PCDH15: variants seen among roughly 807,000 people sequenced by gnomAD.
The protein encoded by PCDH15 is protocadherin-15.
Under a neutral mutation model 178.5 loss-of-function variants are expected in PCDH15, and 129 were observed. The ratio of observed to expected loss-of-function variants is 0.72; its 90% CI spans 0.63 to 0.84. PCDH15 has a LOEUF of 0.84. Among genes scored for constraint, PCDH15 ranks in the 40% least tolerant of loss-of-function variants. The pLI, the probability that PCDH15 is intolerant of heterozygous loss-of-function variation, is 0.00. For synonymous variants in PCDH15, 800 were observed against 732.0 expected, an observed-to-expected ratio of 1.09 and a Z score of -1.50; for missense variants, 2,230 against 2,099.9, an observed-to-expected ratio of 1.06 and a Z score of -1.21.
At position 53,810,901 on chromosome 10, in the gene PCDH15, C is replaced by T. The variant is rs142919255; in HGVS notation, c.4563-237G>A. On this transcript the variant is annotated intron_variant, in intron 36 of 37. Transcript: ENST00000644397. ...AACAATAAAGAGAGTTGAGTTATTT[C>T]AGATACTCGTTTTTGGAGAAACTAG... Among the ~76,000 whole-genome samples, 119 of 152,236 alleles carry T rather than the reference C, an allele frequency of 7.8e-4. 1 individual carries two copies. The highest frequency in any genetic ancestry group is 2.8e-3 in the African/African-American group (116 of 41,548).
At chr10:54,170,746 C>A (rs1037233328) in intron 13 of PCDH15, among the ~76,000 whole-genome samples, 1 of 151,998 alleles carries the variant, frequency 6.6e-6, no homozygotes, top group South Asian at 2.1e-4. Flanking sequence ...TTATTGATGG[C>A]GGTTCCACCA....
intron 2 of PCDH15, among the ~76,000 whole-genome samples, chr10:54,630,548 T>A (rs761950176): frequency 2.4e-4 from 37 of 152,244 alleles, no homozygotes; most frequent in Non-Finnish European, 3.8e-4. Context: ...ATAAAAGTGC[T>A]AGAAGAAAAC....
chr10:55,220,430 G>T (rs976799463), intron 1 of PCDH15, among the ~76,000 whole-genome samples: 3 of 152,024 alleles, frequency 2.0e-5, no homozygotes, highest in African/African-American at 7.3e-5. Flanking sequence ...ATACAGTCAT[G>T]TGTCAGTTAA....
chr10:55,372,872 A>T (rs1485348325), intron 2 of PCDH15, among the ~76,000 whole-genome samples: 1 of 152,180 alleles, frequency 6.6e-6, no homozygotes, highest in Non-Finnish European at 1.5e-5. Flanking sequence ...ATATCCACGT[A>T]AAAACATTCT....
At chr10:55,127,935 A>G (rs1837944327) in intron 2 of PCDH15, among the ~76,000 whole-genome samples, 1 of 152,062 alleles carries the variant, frequency 6.6e-6, no homozygotes, top group Non-Finnish European at 1.5e-5. Flanking sequence ...GATAAACTTC[A>G]CTTTTGTCAG....
chr10:54,279,576 T>A (rs10509008), intron 8 of PCDH15, among the ~76,000 whole-genome samples: 1 of 151,736 alleles, frequency 6.6e-6, no homozygotes, highest in South Asian at 2.1e-4. Context: ...CATCCAAATA[T>A]GATAGAAGAT....
At position 53,813,999 on chromosome 10, in the gene PCDH15, G is replaced by A. The variant is rs566896233; in HGVS notation, c.4491+2240C>T. On this transcript the variant is annotated intron_variant, in intron 35 of 37. Coordinates refer to ENST00000644397, the MANE Select transcript of PCDH15 (RefSeq NM_001384140.1). ...ATTTATTATAGGAAGGTTGAAGTGT[G>A]GGGGAAGGAATGAGGTTAAGAAAGA... 4.4e-4 allele frequency among the ~76,000 whole-genome samples: 66 copies of A among 151,340 alleles called. 2 individuals are homozygous for A. The South Asian group carries it at 0.013, about 30-fold the overall frequency.
intron 17 of PCDH15, among the ~76,000 whole-genome samples, chr10:54,074,645 C>T (rs7477250): frequency 0.37 from 55,528 of 152,000 alleles, 11,130 homozygotes; most frequent in Middle Eastern, 0.52. Flanking sequence ...GTGAATAATG[C>T]TGCTATGAAC....
rs2076127328 is a variant in PCDH15, at chr10:53,818,001, T to A, written c.4446A>T (p.Gly1482=). The A allele has an allele frequency of 7.5e-6, 3 of 398,712 alleles. No individual in the cohort carries two copies. In the East Asian group the frequency reaches 1.1e-4, roughly 14 times the overall value. 24.7% of individuals were successfully genotyped at this position (398,712 alleles called of 1,614,324 possible). A position where few individuals can be genotyped will look rare whatever the true frequency, so the allele number is the denominator to read the frequency against. Residue 1482 remains glycine (G), a synonymous_variant, in exon 34 of 38, where the codon GGA becomes GGT. Transcript: ENST00000644397. ...AACACCATAAAGCCCTTACCTCTGA[T>A]CCATAACCTCTCCTGCAAGGCAGAA... ...IWRTLTRRGY[G]SEQQQLLRPS...
rs1156393380 is a variant in PCDH15 at position 53,961,887 on chromosome 10, T to C, written c.2874A>G (p.Leu958=). 1 of 1,607,172 alleles carries C rather than the reference T, an allele frequency of 6.2e-7. No homozygotes were observed. Reference sequence around the variant, plus strand: ...CTCTATACCTCACACGACTTGCAGGTAATCCCTAAAATAAAATTATTAATT... The same window carrying C: ...CTCTATACCTCACACGACTTGCAGGCAATCCCTAAAATAAAATTATTAATT... ...VYAEDADPPG[L]PASRVRYRVD... is the part of the protein sequence containing the mutation. The change falls in exon 22 of 38, where the codon TTA becomes TTG. Residue 958 remains leucine (L), a synonymous_variant. Coordinates refer to ENST00000644397, the MANE Select transcript of PCDH15 (RefSeq NM_001384140.1).
chr10:54,004,237 T>G (rs1211279939), intron 20 of PCDH15, among the ~76,000 whole-genome samples: 1 of 152,044 alleles, frequency 6.6e-6, no homozygotes, highest in African/African-American at 2.4e-5. Flanking sequence ...ACAACCAGGA[T>G]GCCCACTATC....
chr10:54,731,549 T>TATATATATATATATATATATATAG (rs1943358570), intron 1 of PCDH15, among the ~76,000 whole-genome samples: 1 of 32,282 alleles, frequency 3.1e-5, no homozygotes. Flanking sequence ...GAGATAGATA[T>TATATATATATATATATATATATAG]ATATATATAT....
chr10:54,555,397 T>A (rs1320472201), intron 2 of PCDH15, among the ~76,000 whole-genome samples: 5 of 152,040 alleles, frequency 3.3e-5, no homozygotes, highest in African/African-American at 1.2e-4. Context: ...ATTGCTAATT[T>A]AAGTGCTCTC....
chr10:55,442,460 T>TTAC (rs1421719483), intron 2 of PCDH15, among the ~76,000 whole-genome samples: 8 of 70,996 alleles, frequency 1.1e-4, no homozygotes, highest in Non-Finnish European at 2.0e-4. Flanking sequence ...TTTGATTATA[T>TTAC]ATATATATAT....
intron 2 of PCDH15, among the ~76,000 whole-genome samples, chr10:55,328,907 C>T (rs1399661571): frequency 1.2e-5 from 1 of 85,626 alleles, no homozygotes; most frequent in Non-Finnish European, 2.2e-5. Context: ...TATATTTTCA[C>T]ACAAACATAT....
intron 2 of PCDH15, among the ~76,000 whole-genome samples, chr10:54,649,726 CT>C (rs1383636647): frequency 3.9e-5 from 6 of 152,042 alleles, no homozygotes; most frequent in Non-Finnish European, 8.8e-5. Context: ...ACCTAGATTT[CT>C]TGTTTTCCTA....
intron 2 of PCDH15, among the ~76,000 whole-genome samples, chr10:55,029,028 A>G (rs1408679621): frequency 1.3e-5 from 2 of 152,036 alleles, no homozygotes; most frequent in Non-Finnish European, 2.9e-5. Context: ...AAATATTATT[A>G]ATACTGCATT....
intron 2 of PCDH15, among the ~76,000 whole-genome samples, chr10:54,916,535 A>C (rs1837341766): frequency 6.6e-6 from 1 of 152,148 alleles, no homozygotes; most frequent in African/African-American, 2.4e-5. Flanking sequence ...GATTTGTTTA[A>C]AACAAAACAT....
intron 13 of PCDH15, among the ~76,000 whole-genome samples, chr10:54,164,588 C>A (rs147404410): frequency 6.6e-6 from 1 of 152,208 alleles, no homozygotes; most frequent in Admixed American, 6.5e-5. Flanking sequence ...AATATCAGAA[C>A]AGTTAAGTGA....
Sources: allele counts gnomAD v4.1 joint callset (sites outside exome capture counted in the v4.1 genomes callset), GRCh38; gene constraint gnomAD v4.1.1; transcripts MANE v1.5; gene names NCBI Gene and HGNC (gene_info 2026-07-23, HGNC 2026-07-21).